SERPINB6: variants seen among roughly 807,000 people sequenced by gnomAD.
SERPINB6 encodes serpin family B member 6.
In SERPINB6, 16 loss-of-function variants were observed where a neutral mutation model predicts 26.1. The ratio of observed to expected loss-of-function variants is 0.61; its 90% confidence interval spans 0.42 to 0.93. SERPINB6 has a LOEUF of 0.93. Among genes scored for constraint, SERPINB6 ranks in the 40% least tolerant of loss-of-function variants. The pLI is 0.00. For missense variants in SERPINB6, 420 were observed against 478.0 expected (o/e 0.88, Z 1.13); for synonymous variants, 174 against 176.6 (o/e 0.99, Z 0.11).
rs1771850077 is a variant in SERPINB6, at chr6:2,968,619, C to A, written c.-11+2914G>T. 3.3e-6 allele frequency: 4 copies of A among 1,221,004 alleles called. No individual in the cohort carries two copies. The Admixed American group carries it at 1.7e-4, about 52-fold the overall frequency. 75.6% of individuals were successfully genotyped at this position (1,221,004 alleles called of 1,614,324 possible). A position where few individuals can be genotyped will look rare whatever the true frequency, so the allele number is the denominator to read the frequency against. ...TTTATTGAGTCTTCCGTTCCCTGCGCTGCCTATCTCTGGGGTCCTTTTGTT... is the reference window on the plus strand; with the variant it reads ...TTTATTGAGTCTTCCGTTCCCTGCGATGCCTATCTCTGGGGTCCTTTTGTT... On this transcript the variant is annotated intron_variant, in intron 1 of 6. Coordinates refer to ENST00000380539, the MANE Select transcript of SERPINB6 (RefSeq NM_004568.6).
intron 1 of SERPINB6, chr6:2,962,237 CG>C: frequency 1.0e-6 from 1 of 984,918 alleles, no homozygotes; most frequent in Non-Finnish European, 1.2e-6. Flanking sequence ...GAGGAGAAGT[CG>C]GTGCACATGA....
intron 1 of SERPINB6, chr6:2,963,960 C>T (rs1771382415): frequency 1.3e-5 from 2 of 152,256 alleles, no homozygotes; most frequent in Middle Eastern, 3.2e-3. Context: ...TCATGACTAT[C>T]CATGTCACCC....
chr6:2,951,388 GA>G (rs367951075), intron 5 of SERPINB6, among the ~76,000 whole-genome samples: 3,900 of 86,272 alleles, frequency 0.045, 195 homozygotes, highest in African/African-American at 0.11. Context: ...CTCTGTCTTG[GA>G]AAAAATAAAA....
At position 2,968,865 on chromosome 6, in the gene SERPINB6, C is replaced by T. The variant is rs139571460; in HGVS notation, c.-11+2668G>A. ...TCAAGGGATCAGCAGCTTTTTTGTC[C>T]GGGAACCAGCAAATGGGAGAACTCT... On this transcript the variant is annotated intron_variant, in intron 1 of 6. Transcript: ENST00000380539. The T allele has an allele frequency of 5.0e-3, 6,113 of 1,230,750 alleles. 22 individuals are homozygous for T. Among genetic ancestry groups the T allele is most frequent in the Non-Finnish European group, 5.8e-3 (5,721 of 987,504 alleles). The allele number at this position is 1,230,750 out of a possible 1,614,324, so 76.2% of individuals were successfully genotyped here. A position where few individuals can be genotyped will look rare whatever the true frequency, so the allele number is the denominator to read the frequency against.
chr6:2,959,131 G>C (rs946648262), intron 2 of SERPINB6, 37 bp downstream of exon 2: 16 of 1,609,822 alleles, frequency 9.9e-6, no homozygotes, highest in Non-Finnish European at 1.4e-5. Flanking sequence ...CAGCTAACTT[G>C]ACAGTTAATA....
chr6:2,971,201 C>T, intron 1 of SERPINB6: 1 of 986,954 alleles, frequency 1.0e-6, no homozygotes, highest in Non-Finnish European at 1.2e-6. Context: ...CCGGGGTCCT[C>T]GGGTCCGCGG....
intron 1 of SERPINB6, chr6:2,968,384 G>T: frequency 1.6e-6 from 1 of 638,722 alleles, no homozygotes; most frequent in Non-Finnish European, 1.9e-6. Flanking sequence ...GAAATAACCT[G>T]CACAACAACC....
intron 1 of SERPINB6, chr6:2,970,921 A>G (rs1271844080): frequency 8.2e-7 from 1 of 1,226,200 alleles, no homozygotes; most frequent in Non-Finnish European, 1.0e-6. Flanking sequence ...AGTGCTGCGG[A>G]TTGGCCAAGC....
intron 1 of SERPINB6, 61 bp from the exon 2 acceptor site, chr6:2,959,403 G>A (rs1770858660): frequency 2.8e-5 from 43 of 1,560,546 alleles, no homozygotes; most frequent in South Asian, 8.9e-5. Flanking sequence ...TGCATCTCAC[G>A]CGCCTTACCG....
At chr6:2,970,637 C>CT (rs1212868231) in intron 1 of SERPINB6, 1 of 1,223,940 alleles carries the variant, frequency 8.2e-7, no homozygotes. Context: ...GACTCAGATG[C>CT]CCCCTCGCAT....
intron 2 of SERPINB6, among the ~76,000 whole-genome samples, chr6:2,958,618 C>T (rs185976460): frequency 1.6e-4 from 24 of 152,264 alleles, no homozygotes; most frequent in Admixed American, 3.3e-4. Flanking sequence ...GCTGAGCCCC[C>T]GCTGACGCAG....
In SERPINB6 at chr6:2,948,616, G is replaced by A; in HGVS notation, c.813C>T (p.Leu271=). Residue 271 remains leucine (L), a synonymous_variant, in exon 7 of 7, where the codon CTC becomes CTT. Transcript: ENST00000380539. The surrounding 1 kb of genome is among the most constrained non-coding windows in gnomAD (Gnocchi z 5.0). Reference sequence around the variant, plus strand: ...AGCTTTCCTCTAGTTTAAACCGCGGGAGGGACACTTCCACCTCCTCTTCAT... The same window carrying A: ...AGCTTTCCTCTAGTTTAAACCGCGGAAGGGACACTTCCACCTCCTCTTCAT... The part of the protein sequence containing the change: ...MMDEEEVEVS[L]PRFKLEESYD... 1 of 1,614,150 alleles carries A rather than the reference G, an allele frequency of 6.2e-7. No individual in the cohort carries two copies. Among genetic ancestry groups the A allele is most frequent in the Non-Finnish European group, 8.5e-7 (1 of 1,179,982 alleles).
In SERPINB6 at chr6:2,948,975, T is replaced by G. The variant is rs1769450075; in HGVS notation, c.668A>C (p.Tyr223Ser). ...EIFTQILVLPYVGKELNMIIM... is the reference protein window; with the variant it reads ...EIFTQILVLPSVGKELNMIIM... ...GATCATATTCAGTTCCTTGCCAACA[T>G]ATGGAAGCACCAAGATTTGGGTAAA... The change falls in exon 6 of 7, where the codon TAT (tyrosine) becomes TCT (serine). Residue 223 changes from tyrosine (Y) to serine (S), a missense_variant. By Grantham distance (144) the Tyr-to-Ser change is moderately radical. Transcript: ENST00000380539. The surrounding 1 kb of genome is among the most constrained non-coding windows in gnomAD (Gnocchi z 5.0). 2 of 1,614,124 alleles carry G rather than the reference T, an allele frequency of 1.2e-6. No homozygotes were observed. The highest frequency in any genetic ancestry group is 1.7e-5 in the Admixed American group (1 of 60,016).
At position 2,955,666 on chromosome 6, in the gene SERPINB6, A is replaced by C; in HGVS notation, c.170T>G (p.Leu57Arg). 6.2e-7 allele frequency: 1 copy of C among 1,614,200 alleles called. No individual in the cohort carries two copies. The highest frequency in any genetic ancestry group is 1.3e-5 in the African/African-American group (1 of 75,070). The change falls in exon 3 of 7, where the codon CTT (leucine) becomes CGT (arginine). Residue 57 changes from leucine (L) to arginine (R), a missense_variant. Transcript: ENST00000380539. Reference sequence around the variant, plus strand: ...ACCACCGCCACTTTTATTGAAAGAAAGTATCTGAAATCAAAAACAGAATGA... The same window carrying C: ...ACCACCGCCACTTTTATTGAAAGAACGTATCTGAAATCAAAAACAGAATGA... ...GNTAAQMAQI[L>R]SFNKSGGGGD...
At chr6:2,952,961 C>T (rs1769979625) in intron 5 of SERPINB6, 83 bp downstream of exon 5, 3 of 1,595,104 alleles carry the variant, frequency 1.9e-6, no homozygotes, top group Non-Finnish European at 2.6e-6. Flanking sequence ...CAGAAAGGCC[C>T]CACGGCTGCA....
intron 4 of SERPINB6, among the ~76,000 whole-genome samples, chr6:2,954,300 T>C (rs1267130174): frequency 6.6e-6 from 1 of 152,116 alleles, no homozygotes; most frequent in Non-Finnish European, 1.5e-5. Context: ...ATTAACACAC[T>C]AACCCCCTCC....
chr6:2,951,520 C>T (rs989442834), intron 5 of SERPINB6, among the ~76,000 whole-genome samples: 1 of 152,204 alleles, frequency 6.6e-6, no homozygotes, highest in Non-Finnish European at 1.5e-5. Context: ...TTCCTCCCTG[C>T]ACCCCTTCAG....
At chr6:2,949,107 A>G (rs1304381969) in intron 5 of SERPINB6, 38 bp from the exon 6 acceptor site, 2 of 1,607,336 alleles carry the variant, frequency 1.2e-6, no homozygotes, top group Non-Finnish European at 1.7e-6. Flanking sequence ...TTGAAACAAG[A>G]CCCCACTGAC....
chr6:2,966,449 G>A lies in SERPINB6; in HGVS notation c.-11+5084C>T, dbSNP rs1328312634. On this transcript the variant is annotated intron_variant, in intron 1 of 6. Coordinates refer to ENST00000380539, the MANE Select transcript of SERPINB6 (RefSeq NM_004568.6). ...ATCCGTCTGTGGTCTGTTAGGAACT[G>A]GGCCACGCAGCAGGAGGTGAGCAGC... The A allele has an allele frequency of 1.0e-5, 10 of 981,668 alleles. No homozygotes were observed. In the African/African-American group the frequency reaches 1.8e-4, roughly 17 times the overall value. The allele number at this position is 981,668 out of a possible 1,614,324, so 60.8% of individuals were successfully genotyped here.
Sources: allele counts gnomAD v4.1 joint callset (sites outside exome capture counted in the v4.1 genomes callset), GRCh38; gene constraint gnomAD v4.1.1; non-coding constraint Gnocchi (gnomAD v3.1); transcripts MANE v1.5; gene names NCBI Gene and HGNC (gene_info 2026-07-23, HGNC 2026-07-21).